The following TIGAR variants were observed in gnomAD, a reference collection of about 807,000 sequenced individuals.
The protein encoded by TIGAR is fructose-2,6-bisphosphatase TIGAR.
Under a neutral mutation model 17.9 loss-of-function variants are expected in TIGAR, and 7 were observed. That is an observed-to-expected ratio of 0.39 (90% CI 0.22 to 0.73). The LOEUF (loss-of-function observed/expected upper bound fraction) is 0.73. TIGAR is among the 30% of genes least tolerant of loss of function. The probability of loss-of-function intolerance (pLI) is 0.42; values close to 1 mark genes in which losing one functional copy is unlikely to be tolerated. For synonymous variants in TIGAR, 94 were observed against 108.6 expected (o/e 0.87, Z 0.84); for missense variants, 258 against 327.4 (o/e 0.79, Z 1.64).
At position 4,324,521 on chromosome 12, in the gene TIGAR, A is replaced by G. The variant is rs1406764117; in HGVS notation, c.32+3218A>G. ...ACCTGGTTGAAGGTCTTGCCGTTGT[A>G]GACGCCCACCATGCTGCCCACCATC... is the stretch of plus-strand genomic sequence containing the variant. On this transcript the variant is annotated intron_variant, in intron 1 of 5. Transcript: ENST00000179259. 6.2e-6 allele frequency: 10 copies of G among 1,609,776 alleles called. No homozygotes were observed. The East Asian group carries it at 2.0e-4, about 32-fold the overall frequency.
chr12:4,324,690 G>T, intron 1 of TIGAR: 1 of 945,894 alleles, frequency 1.1e-6, no homozygotes, highest in Non-Finnish European at 1.7e-6. Flanking sequence ...GCGGCCGCTG[G>T]CACGCACTGT....
At position 4,357,904 on chromosome 12, in the gene TIGAR, C is replaced by T. The variant is rs930142384; in HGVS notation, c.*5213C>T. ...AGATCACGAGGTCAGGAGATAGAGA[C>T]CATCCTGGCTAACACAGTGAAACCT... is the stretch of plus-strand genomic sequence containing the variant. On this transcript the variant is annotated 3_prime_UTR_variant, in exon 6 of 6. Transcript: ENST00000179259. Among the ~76,000 whole-genome samples the T allele has an allele frequency of 1.3e-5, 2 of 149,796 alleles. No individual in the cohort carries two copies. The highest frequency in any genetic ancestry group is 3.0e-5 in the Non-Finnish European group (2 of 67,558).
chr12:4,352,822 A>AT lies in TIGAR; in HGVS notation c.*132dup. 1 of 778,186 alleles carries AT rather than the reference A, an allele frequency of 1.3e-6. No individual in the cohort carries two copies. The highest frequency in any genetic ancestry group is 2.0e-6 in the Non-Finnish European group (1 of 500,052). 48.2% of individuals were successfully genotyped at this position (778,186 alleles called of 1,614,324 possible). A position where few individuals can be genotyped will look rare whatever the true frequency, so the allele number is the denominator to read the frequency against. ...GCCAATTTTTAGCTCCAGTGGAACC[A>AT]TAGCCACATAAAACTTTAATGGACA... On this transcript the variant is annotated 3_prime_UTR_variant, in exon 6 of 6. Coordinates refer to ENST00000179259, the MANE Select transcript of TIGAR (RefSeq NM_020375.3).
At position 4,352,280 on chromosome 12, in the gene TIGAR, CTT is replaced by C. The variant is rs2120695011; in HGVS notation, c.407_408del (p.Phe136Ter). On this transcript the variant is annotated frameshift_variant, in exon 6 of 6. Transcript: ENST00000179259. LOFTEE classifies it low-confidence loss of function (END_TRUNC). The part of the protein sequence containing the change: ...LDQVKMRGID[F>X]FEFLCQLILK... Reference sequence around the variant, plus strand: ...TGTAGGTGAAAATGCGTGGAATAGACTTTTTTGAATTTCTTTGTCAACTAATC... The same window carrying C: ...TGTAGGTGAAAATGCGTGGAATAGACTTTTGAATTTCTTTGTCAACTAATC... 6.2e-7 allele frequency: 1 copy of C among 1,611,812 alleles called. No individual in the cohort carries two copies. Among genetic ancestry groups the C allele is most frequent in the Non-Finnish European group, 8.5e-7 (1 of 1,178,848 alleles).
chr12:4,326,295 A>G (rs1393488695), intron 1 of TIGAR, among the ~76,000 whole-genome samples: 1 of 152,240 alleles, frequency 6.6e-6, no homozygotes, highest in African/African-American at 2.4e-5. Flanking sequence ...ATCACAAGTC[A>G]GACTTGGTTA....
chr12:4,354,116 TG>T lies in TIGAR; in HGVS notation c.*1426del, dbSNP rs1290726071. 1 of 152,508 alleles carries T rather than the reference TG, an allele frequency of 6.6e-6. No individual in the cohort carries two copies. Among genetic ancestry groups the T allele is most frequent in the Non-Finnish European group, 1.5e-5 (1 of 68,034 alleles). The allele number at this position is 152,508 out of a possible 1,614,324, so 9.4% of individuals were successfully genotyped here. A position where few individuals can be genotyped will look rare whatever the true frequency, so the allele number is the denominator to read the frequency against. ...CTTTAAAGAGGGTTAATACTAAAGTTGTCAGTTAAGGCTATAGTCACATATA... is the reference window on the plus strand; with the variant it reads ...CTTTAAAGAGGGTTAATACTAAAGTTTCAGTTAAGGCTATAGTCACATATA... On this transcript the variant is annotated 3_prime_UTR_variant, in exon 6 of 6. Coordinates refer to ENST00000179259, the MANE Select transcript of TIGAR (RefSeq NM_020375.3).
chr12:4,333,061 TG>T (rs1309251651), intron 2 of TIGAR, among the ~76,000 whole-genome samples: 2 of 152,224 alleles, frequency 1.3e-5, no homozygotes, highest in Non-Finnish European at 2.9e-5. Flanking sequence ...CTGAGTAAAT[TG>T]GATCACTGAT....
At chr12:4,329,456 A>G (rs903420036) in intron 1 of TIGAR, among the ~76,000 whole-genome samples, 3 of 146,408 alleles carry the variant, frequency 2.0e-5, no homozygotes, top group Non-Finnish European at 3.0e-5. Flanking sequence ...CTTGTGCCTC[A>G]GTCTCCCGAG....
chr12:4,322,040 G>T (rs1174519289), intron 1 of TIGAR, among the ~76,000 whole-genome samples: 2 of 151,754 alleles, frequency 1.3e-5, no homozygotes, highest in East Asian at 3.9e-4. Flanking sequence ...CTGTCACCCA[G>T]GCTGGAGTGC....
rs752709497 is a variant in TIGAR at position 4,357,498 on chromosome 12, T to C, written c.*4807T>C. Among the ~76,000 whole-genome samples the C allele has an allele frequency of 2.0e-5, 3 of 152,208 alleles. No homozygotes were observed. Among genetic ancestry groups the C allele is most frequent in the Admixed American group, 6.5e-5 (1 of 15,282 alleles). On this transcript the variant is annotated 3_prime_UTR_variant, in exon 6 of 6. Transcript: ENST00000179259. ...AAAACATCCTTGTTTCATGTAAATG[T>C]TGCTTTTTACCCCTCTTTCTTTGGG...
intron 3 of TIGAR, among the ~76,000 whole-genome samples, chr12:4,343,365 ACT>A (rs971691772): frequency 4.6e-5 from 7 of 152,126 alleles, no homozygotes; most frequent in African/African-American, 2.4e-5. Context: ...ATTGAACTCA[ACT>A]CTGCACCAAG....
In TIGAR at chr12:4,357,042, A is replaced by C. The variant is rs950663179; in HGVS notation, c.*4351A>C. Among the ~76,000 whole-genome samples the C allele has an allele frequency of 2.6e-5, 4 of 152,174 alleles. No individual in the cohort carries two copies. Among genetic ancestry groups the C allele is most frequent in the Admixed American group, 6.5e-5 (1 of 15,276 alleles). ...TAGCATCTTTATTCTAATTTCTTTA[A>C]ATGCTATGTCATACTCAGCAAGGAC... On this transcript the variant is annotated 3_prime_UTR_variant, in exon 6 of 6. Coordinates refer to ENST00000179259, the MANE Select transcript of TIGAR (RefSeq NM_020375.3).
intron 1 of TIGAR, among the ~76,000 whole-genome samples, chr12:4,330,951 C>G (rs896750064): frequency 9.9e-5 from 15 of 152,080 alleles, no homozygotes; most frequent in Non-Finnish European, 1.9e-4. Flanking sequence ...TAGTTTTGAT[C>G]AATATATTTC....
rs1031564090 is a variant in TIGAR at position 4,324,497 on chromosome 12, C to T, written c.32+3194C>T. 10 of 1,608,204 alleles carry T rather than the reference C, an allele frequency of 6.2e-6. No homozygotes were observed. In the African/African-American group the frequency reaches 1.2e-4, roughly 19 times the overall value. On this transcript the variant is annotated intron_variant, in intron 1 of 5. Coordinates refer to ENST00000179259, the MANE Select transcript of TIGAR (RefSeq NM_020375.3). The stretch of plus-strand genomic sequence containing the variant: ...CTGATCATCTCCGGCTTGATCTCCA[C>T]CTGGTTGAAGGTCTTGCCGTTGTAG...
In TIGAR at chr12:4,352,574, T is replaced by C. The variant is rs144714467; in HGVS notation, c.696T>C (p.Asn232=). 17 of 1,613,700 alleles carry C rather than the reference T, an allele frequency of 1.1e-5. No individual in the cohort carries two copies. The highest frequency in any genetic ancestry group is 1.4e-5 in the Non-Finnish European group (17 of 1,180,032). ...CTGAACTTATGTCAGTCACTCCCAA[T>C]ACAGGGATGAGTCTCTTTATCATAA... ...SRSELMSVTP[N]TGMSLFIINF... Residue 232 remains asparagine (N), a synonymous_variant, in exon 6 of 6, where the codon AAT becomes AAC. Transcript: ENST00000179259.
chr12:4,349,442 G>A lies in TIGAR; in HGVS notation c.193-377G>A, dbSNP rs572479725. 6.9e-4 allele frequency among the ~76,000 whole-genome samples: 105 copies of A among 151,628 alleles called. No individual in the cohort carries two copies. The Middle Eastern group carries it at 0.01, about 15-fold the overall frequency. ...AGTTTTGTTTTTTTTTTTTGAGATG[G>A]AGTCTCATTCTGTCACCCAGGCTGG... is the stretch of plus-strand genomic sequence containing the variant. On this transcript the variant is annotated intron_variant, in intron 3 of 5. Transcript: ENST00000179259.
At chr12:4,344,520 A>C (rs558702363) in intron 3 of TIGAR, among the ~76,000 whole-genome samples, 113 of 152,352 alleles carry the variant, frequency 7.4e-4, no homozygotes, top group African/African-American at 2.6e-3. Context: ...CAAAAAGCTT[A>C]TCCACCATGA....
rs775958717 is a variant in TIGAR at position 4,352,558 on chromosome 12, T to C, written c.680T>C (p.Met227Thr). The C allele has an allele frequency of 5.0e-6, 8 of 1,614,046 alleles. No homozygotes were observed. The highest frequency in any genetic ancestry group is 3.3e-4 in the Middle Eastern group (2 of 6,062). ...LPATLSRSEL[M>T]SVTPNTGMSL... ...GCCACTCTGAGCAGATCTGAACTTA[T>C]GTCAGTCACTCCCAATACAGGGATG... Residue 227 changes from methionine (M) to threonine (T), a missense_variant, in exon 6 of 6, where the codon ATG becomes ACG. Transcript: ENST00000179259.
chr12:4,344,338 A>G (rs1347103018), intron 3 of TIGAR, among the ~76,000 whole-genome samples: 1 of 152,172 alleles, frequency 6.6e-6, no homozygotes, highest in Non-Finnish European at 1.5e-5. Flanking sequence ...AACTATCCCA[A>G]TCAATAGAAA....
Sources: allele counts gnomAD v4.1 joint callset (sites outside exome capture counted in the v4.1 genomes callset), GRCh38; gene constraint gnomAD v4.1.1; transcripts MANE v1.5; gene names NCBI Gene and HGNC (gene_info 2026-07-23, HGNC 2026-07-21).